The following NTM variants were observed in gnomAD, a reference collection of about 807,000 sequenced individuals.
NTM encodes the protein neurotrimin.
In NTM, 13 loss-of-function variants were observed where a neutral mutation model predicts 42.1. The observed-to-expected ratio is 0.31, with a 90% confidence interval of 0.20 to 0.49. The LOEUF (loss-of-function observed/expected upper bound fraction) is 0.49. Ranked by LOEUF, NTM falls within the 20% of genes least tolerant of loss-of-function variation. The probability of loss-of-function intolerance (pLI) is 0.99; values close to 1 mark genes in which losing one functional copy is unlikely to be tolerated. For missense variants in NTM, 373 were observed against 452.8 expected (o/e 0.82, Z 1.60); for synonymous variants, 187 against 179.2 (o/e 1.04, Z -0.35).
At chr11:132,196,867 T>C (rs1157348811) in intron 3 of NTM, among the ~76,000 whole-genome samples, 1 of 152,018 alleles carries the variant, frequency 6.6e-6, no homozygotes, top group African/African-American at 2.4e-5. Context: ...TACACCAAAT[T>C]TACCCATGTA....
chr11:131,500,633 G>A (rs112584451), intron 1 of NTM, among the ~76,000 whole-genome samples: 1,554 of 144,774 alleles, frequency 0.011, 38 homozygotes, highest in African/African-American at 0.037. Flanking sequence ...TGGGCACAAC[G>A]TGCAGGTTTG....
rs556376336 is a variant in NTM at position 131,715,878 on chromosome 11, T to C, written c.83-195686T>C. ...AGTATTCCACAGTATGCATATATCA[T>C]GTGTTTATGCATTCAATGATTGGTG... On this transcript the variant is annotated intron_variant, in intron 1 of 8. Coordinates refer to ENST00000683400, the MANE Select transcript of NTM (RefSeq NM_001352005.2). Among the ~76,000 whole-genome samples the C allele has an allele frequency of 5.9e-5, 9 of 152,368 alleles. No individual in the cohort carries two copies. In the South Asian group the frequency reaches 1.7e-3, roughly 28 times the overall value.
chr11:131,404,193 C>A (rs752622410), intron 1 of NTM, among the ~76,000 whole-genome samples: 1 of 152,120 alleles, frequency 6.6e-6, no homozygotes, highest in Non-Finnish European at 1.5e-5. Flanking sequence ...CTCGCACTTC[C>A]GCTTTCCAGC....
chr11:131,775,241 A>G (rs558773976), intron 1 of NTM, among the ~76,000 whole-genome samples: 1 of 152,242 alleles, frequency 6.6e-6, no homozygotes, highest in Admixed American at 6.5e-5. Flanking sequence ...GAGCATTACA[A>G]CTCATCTGTG....
intron 1 of NTM, among the ~76,000 whole-genome samples, chr11:131,444,203 CAAAAAAAAAAA>C (rs71475757): frequency 4.0e-5 from 2 of 49,516 alleles, no homozygotes; most frequent in African/African-American, 7.6e-5. Flanking sequence ...AGGTTAGAAC[CAAAAAAAAAAA>C]AAAAAAAAAA....
chr11:131,995,525 C>A (rs1215450350), intron 2 of NTM, among the ~76,000 whole-genome samples: 2 of 151,980 alleles, frequency 1.3e-5, no homozygotes, highest in Non-Finnish European at 2.9e-5. Flanking sequence ...GTCAGCCAGG[C>A]AAAGTTGTAG....
chr11:131,873,308 C>T (rs1199216948), intron 1 of NTM, among the ~76,000 whole-genome samples: 4 of 148,780 alleles, frequency 2.7e-5, no homozygotes, highest in African/African-American at 1.0e-4. Context: ...GGGAGCTGAA[C>T]AATGAGAACA....
At chr11:132,278,743 T>TTGTCTCTCTC (rs1555063277) in intron 4 of NTM, among the ~76,000 whole-genome samples, 1 of 137,994 alleles carries the variant, frequency 7.2e-6, no homozygotes. Flanking sequence ...TCATTTGGGC[T>TTGTCTCTCTC]TCTCTCTCTC....
intron 1 of NTM, among the ~76,000 whole-genome samples, chr11:131,754,690 G>A (rs1393146077): frequency 1.3e-5 from 2 of 151,370 alleles, no homozygotes; most frequent in East Asian, 1.9e-4. Context: ...CTTGGTATTT[G>A]TCTAAGACAG....
chr11:131,890,158 C>CTCTCTCTGTATCTCTCTCTCTCTCTCTG (rs753017210), intron 1 of NTM, among the ~76,000 whole-genome samples: 1 of 58,814 alleles, frequency 1.7e-5, no homozygotes, highest in African/African-American at 3.5e-5. Context: ...CTCTCTCTGT[C>CTCTCTCTGTATCTCTCTCTCTCTCTCTG]TCTCTCTCTC....
At chr11:132,063,944 C>T (rs575492229) in intron 2 of NTM, among the ~76,000 whole-genome samples, 8 of 152,286 alleles carry the variant, frequency 5.3e-5, no homozygotes, top group South Asian at 4.1e-4. Context: ...CTTAACATGA[C>T]CCACAAAGCA....
chr11:131,625,288 C>A (rs555787106), intron 1 of NTM, among the ~76,000 whole-genome samples: 29 of 152,198 alleles, frequency 1.9e-4, no homozygotes. Context: ...TGATAAGGTC[C>A]CCCCATGATG....
chr11:131,930,082 CT>C (rs1382475113), intron 2 of NTM, among the ~76,000 whole-genome samples: 1 of 152,186 alleles, frequency 6.6e-6, no homozygotes, highest in Admixed American at 6.5e-5. Flanking sequence ...ACACCAGTGA[CT>C]TTTTGGTCTG....
At chr11:132,014,708 A>G (rs1397634580) in intron 2 of NTM, among the ~76,000 whole-genome samples, 1 of 105,716 alleles carries the variant, frequency 9.5e-6, no homozygotes, top group East Asian at 3.0e-4. Flanking sequence ...TATTCAGATC[A>G]TTTACCCGCT....
intron 1 of NTM, among the ~76,000 whole-genome samples, chr11:131,817,690 G>A (rs2093006749): frequency 6.6e-6 from 1 of 152,190 alleles, no homozygotes; most frequent in Non-Finnish European, 1.5e-5. Flanking sequence ...CCATGAGGAT[G>A]GTTCCCTCTG....
intron 2 of NTM, among the ~76,000 whole-genome samples, chr11:132,019,068 C>T (rs1006488034): frequency 6.6e-6 from 1 of 151,760 alleles, no homozygotes; most frequent in Non-Finnish European, 1.5e-5. Flanking sequence ...TATTTTTCTT[C>T]TCTCTTTTTC....
chr11:132,072,567 A>G (rs1022389124), intron 2 of NTM, among the ~76,000 whole-genome samples: 2 of 152,224 alleles, frequency 1.3e-5, no homozygotes, highest in African/African-American at 2.4e-5. Flanking sequence ...TCAGAAAAAT[A>G]CTAAGTGGAG....
rs540625059 is a variant in NTM, at chr11:132,335,410, C to T, written c.*264C>T. 1.2e-5 allele frequency: 5 copies of T among 415,282 alleles called. No homozygotes were observed. Among genetic ancestry groups the T allele is most frequent in the South Asian group, 7.0e-5 (3 of 42,980 alleles). The allele number at this position is 415,282 out of a possible 1,614,324, so 25.7% of individuals were successfully genotyped here. ...CCAAACGGGAAGAACACAGCACACCCGGCTTGGACCCACTGCAAGCTGCAT... is the reference window on the plus strand; with the variant it reads ...CCAAACGGGAAGAACACAGCACACCTGGCTTGGACCCACTGCAAGCTGCAT... On this transcript the variant is annotated 3_prime_UTR_variant, in exon 9 of 9. Coordinates refer to ENST00000683400, the MANE Select transcript of NTM (RefSeq NM_001352005.2).
chr11:132,060,078 C>T (rs898270095), intron 2 of NTM, among the ~76,000 whole-genome samples: 11 of 152,190 alleles, frequency 7.2e-5, no homozygotes, highest in Non-Finnish European at 1.6e-4. Context: ...GGATTCTTCC[C>T]TCCACATGAG....
Sources: allele counts gnomAD v4.1 joint callset (sites outside exome capture counted in the v4.1 genomes callset), GRCh38; gene constraint gnomAD v4.1.1; transcripts MANE v1.5; gene names NCBI Gene and HGNC (gene_info 2026-07-23, HGNC 2026-07-21).